Variants in TBCD observed in about 807,000 individuals in gnomAD.
TBCD encodes the protein tubulin folding cofactor D, also known as tubulin-specific chaperone D.
Under a neutral mutation model 169.3 loss-of-function variants are expected in TBCD, and 105 were observed. The observed-to-expected ratio is 0.62, with a 90% confidence interval of 0.53 to 0.73. The LOEUF (loss-of-function observed/expected upper bound fraction) is 0.73, where lower values mean the gene tolerates loss of function less well. Among genes scored for constraint, TBCD ranks in the 30% least tolerant of loss-of-function variants. The probability of loss-of-function intolerance (pLI) is 0.00; values close to 1 mark genes in which losing one functional copy is unlikely to be tolerated. For synonymous variants in TBCD, 700 were observed against 643.9 expected (o/e 1.09, Z -1.32); for missense variants, 1,444 against 1,600.1 (o/e 0.90, Z 1.66).
At chr17:82,793,709 T>C (rs2049905127) in intron 7 of TBCD, among the ~76,000 whole-genome samples, 1 of 152,064 alleles carries the variant, frequency 6.6e-6, no homozygotes, top group Non-Finnish European at 1.5e-5. Context: ...GTTGTTTTGG[T>C]GTTAAAGATC....
At chr17:82,811,567 C>T (rs757844084) in intron 12 of TBCD, among the ~76,000 whole-genome samples, 16 of 152,324 alleles carry the variant, frequency 1.1e-4, no homozygotes, top group Admixed American at 2.6e-4. Context: ...CCCGAGTCCT[C>T]GCAGGATGCA....
rs1230473114 is a variant in TBCD at position 82,806,124 on chromosome 17, C to T, written c.1087+113C>T. On this transcript the variant is annotated intron_variant, in intron 10 of 38. Transcript: ENST00000355528. This position sits in a 1 kb window ranked among gnomAD's most constrained non-coding sequence, Gnocchi z 5.1. ...GCTGGTGCCGGCACTGTCTGGCCAC[C>T]CGTCCCCTTCGCTGAGTGCACGGTC... is the stretch of plus-strand genomic sequence containing the variant. 2.1e-6 allele frequency: 3 copies of T among 1,434,314 alleles called. No individual in the cohort carries two copies. The highest frequency in any genetic ancestry group is 2.8e-6 in the Non-Finnish European group (3 of 1,063,912). The allele number at this position is 1,434,314 out of a possible 1,614,324, so 88.8% of individuals were successfully genotyped here.
At chr17:82,849,454 C>T (rs577000143) in intron 13 of TBCD, among the ~76,000 whole-genome samples, 7 of 152,228 alleles carry the variant, frequency 4.6e-5, no homozygotes, top group African/African-American at 1.4e-4. Flanking sequence ...GTTTTGGCCC[C>T]TTTTCATATC....
At chr17:82,790,759 C>T (rs905279894) in intron 7 of TBCD, among the ~76,000 whole-genome samples, 1 of 152,174 alleles carries the variant, frequency 6.6e-6, no homozygotes, top group Non-Finnish European at 1.5e-5. Flanking sequence ...TTCTCTTCCA[C>T]ATGGTGTCCA....
rs1383337336 is a variant in TBCD at position 82,831,335 on chromosome 17, G to C, written c.1318+16401G>C. 2 of 1,614,046 alleles carry C rather than the reference G, an allele frequency of 1.2e-6. No homozygotes were observed. Among genetic ancestry groups the C allele is most frequent in the Non-Finnish European group, 1.7e-6 (2 of 1,180,028 alleles). On this transcript the variant is annotated intron_variant, in intron 13 of 38. Coordinates refer to ENST00000355528, the MANE Select transcript of TBCD (RefSeq NM_005993.5). This position sits in a 1 kb window ranked among gnomAD's most constrained non-coding sequence, Gnocchi z 4.6. Reference sequence around the variant, plus strand: ...GGAATTGGACTTTCGAACTCGACGTGTTTTCTGTTGGGGTCCGAAGGGTTT... The same window carrying C: ...GGAATTGGACTTTCGAACTCGACGTCTTTTCTGTTGGGGTCCGAAGGGTTT...
At chr17:82,926,845 T>C (rs925270825) in intron 28 of TBCD, 2 of 491,982 alleles carry the variant, frequency 4.1e-6, no homozygotes, top group African/African-American at 1.9e-5. Context: ...CTCTCCTCCC[T>C]GCAGGCACAC....
intron 13 of TBCD, among the ~76,000 whole-genome samples, chr17:82,849,594 G>T (rs59300995): frequency 1.3e-5 from 2 of 151,814 alleles, no homozygotes; most frequent in East Asian, 1.9e-4. Flanking sequence ...AGAACCGCGT[G>T]GCACTAGCAA....
intron 37 of TBCD, 28 bp from the exon 38 acceptor site, chr17:82,941,371 A>C: frequency 6.4e-7 from 1 of 1,558,864 alleles, no homozygotes; most frequent in Non-Finnish European, 8.6e-7. Context: ...GGCACTCGAG[A>C]GACTCACGGC....
chr17:82,899,517 G>C (rs1425631543), intron 17 of TBCD, among the ~76,000 whole-genome samples: 1 of 152,248 alleles, frequency 6.6e-6, no homozygotes, highest in Non-Finnish European at 1.5e-5. Flanking sequence ...TGTGTGCACT[G>C]TTCTGTGGCT....
chr17:82,804,308 G>C (rs544289410), intron 9 of TBCD, among the ~76,000 whole-genome samples: 1 of 152,264 alleles, frequency 6.6e-6, no homozygotes, highest in African/African-American at 2.4e-5. Flanking sequence ...AAATTTAGCA[G>C]CTTAAACAGT....
At chr17:82,851,469 GAATA>G (rs1349073164) in intron 13 of TBCD, among the ~76,000 whole-genome samples, 7 of 152,140 alleles carry the variant, frequency 4.6e-5, no homozygotes, top group African/African-American at 1.7e-4. Flanking sequence ...TTATCAATGA[GAATA>G]AACACAACCA....
intron 13 of TBCD, among the ~76,000 whole-genome samples, chr17:82,839,375 C>T (rs2054265778): frequency 6.6e-6 from 1 of 151,032 alleles, no homozygotes; most frequent in South Asian, 2.1e-4. Context: ...CTAAATTCAG[C>T]CTAATGTACA....
intron 24 of TBCD, chr17:82,921,133 T>C (rs1247067232): frequency 3.3e-6 from 1 of 301,642 alleles, no homozygotes; most frequent in African/African-American, 2.2e-5. Flanking sequence ...GCCTTCACAT[T>C]TGTTGCTTGT....
intron 13 of TBCD, among the ~76,000 whole-genome samples, chr17:82,827,738 C>G (rs1340008110): frequency 6.6e-6 from 1 of 151,880 alleles, no homozygotes; most frequent in African/African-American, 2.4e-5. Flanking sequence ...CAGATACACA[C>G]ACGTGCACAC....
chr17:82,791,066 G>A (rs971270832), intron 7 of TBCD, among the ~76,000 whole-genome samples: 1 of 150,130 alleles, frequency 6.7e-6, no homozygotes, highest in South Asian at 2.1e-4. Flanking sequence ...CAGGCTTTCT[G>A]TGGCAGGAAT....
chr17:82,827,402 A>C (rs1048433578), intron 13 of TBCD, among the ~76,000 whole-genome samples: 1 of 152,160 alleles, frequency 6.6e-6, no homozygotes, highest in African/African-American at 2.4e-5. Context: ...GAGAGGGGAC[A>C]TGGGGATGGA....
At chr17:82,772,604 GA>G (rs1303179139) in intron 6 of TBCD, 97 bp downstream of exon 6, 81 of 1,305,394 alleles carry the variant, frequency 6.2e-5, no homozygotes, top group Non-Finnish European at 6.1e-5. Flanking sequence ...GTCCTCAGAC[GA>G]AGGACCCCGG....
chr17:82,841,241 C>G (rs1436387089), intron 13 of TBCD, among the ~76,000 whole-genome samples: 2 of 151,870 alleles, frequency 1.3e-5, no homozygotes, highest in Non-Finnish European at 2.9e-5. Flanking sequence ...TGCACCCGGT[C>G]TGTTTTTTTG....
intron 13 of TBCD, among the ~76,000 whole-genome samples, chr17:82,839,165 T>C (rs1220541050): frequency 6.6e-6 from 1 of 152,242 alleles, no homozygotes; most frequent in Non-Finnish European, 1.5e-5. Flanking sequence ...TTAAAACTAT[T>C]AAAAGTTAAA....
Sources: allele counts gnomAD v4.1 joint callset (sites outside exome capture counted in the v4.1 genomes callset), GRCh38; gene constraint gnomAD v4.1.1; non-coding constraint Gnocchi (gnomAD v3.1); transcripts MANE v1.5; gene names NCBI Gene and HGNC (gene_info 2026-07-23, HGNC 2026-07-21).